The following CHRDL1 variants were observed in gnomAD, a reference collection of about 807,000 sequenced individuals.
CHRDL1 encodes chordin-like protein 1.
CHRDL1 carries 19 observed loss-of-function variants against 40.9 expected under a neutral mutation model. That is an observed-to-expected ratio of 0.46 (90% confidence interval 0.32 to 0.68). The LOEUF is 0.68. Among genes scored for constraint, CHRDL1 ranks in the 30% least tolerant of loss-of-function variants. CHRDL1 has a pLI of 0.03. For synonymous variants in CHRDL1, 136 were observed against 123.4 expected (o/e 1.10, Z -0.68); for missense variants, 329 against 352.1 (o/e 0.93, Z 0.53).
intron 4 of CHRDL1, among the ~76,000 whole-genome samples, chrX:110,747,319 G>C (rs1157442890): frequency 9.2e-6 from 1 of 108,225 alleles, no homozygotes; most frequent in African/African-American, 3.4e-5. Flanking sequence ...AGAGGACAAG[G>C]AGCACACCTT....
chrX:110,787,594 A>G (rs2090037237), intron 2 of CHRDL1, among the ~76,000 whole-genome samples: 1 of 112,216 alleles, frequency 8.9e-6, no homozygotes, highest in Non-Finnish European at 1.9e-5. Flanking sequence ...TGGCTCTCAC[A>G]ATAGAGAAGT....
chrX:110,768,663 T>C (rs1227894859), intron 2 of CHRDL1, among the ~76,000 whole-genome samples: 2 of 110,885 alleles, frequency 1.8e-5, no homozygotes, highest in African/African-American at 6.5e-5. Flanking sequence ...GACTCCAAGT[T>C]CTTTGGCTTT....
chrX:110,755,946 G>A (rs956336428), intron 4 of CHRDL1, among the ~76,000 whole-genome samples: 4 of 111,863 alleles, frequency 3.6e-5, no homozygotes, highest in Admixed American at 9.5e-5. Context: ...GAAATATTAA[G>A]TAAAGAGACT....
intron 4 of CHRDL1, among the ~76,000 whole-genome samples, chrX:110,731,109 C>T (rs1414773115): frequency 1.8e-5 from 2 of 111,492 alleles, no homozygotes; most frequent in Non-Finnish European, 3.8e-5. Context: ...CCTAAACTCT[C>T]TTCCTCTCCA....
At chrX:110,736,007 C>G (rs16986117) in intron 4 of CHRDL1, among the ~76,000 whole-genome samples, 2,667 of 112,000 alleles carry the variant, frequency 0.024, 77 homozygotes, top group African/African-American at 0.081. Flanking sequence ...GTTTGGAAAA[C>G]TGTTAGCAGC....
At chrX:110,707,785 T>C (rs2070671669) in intron 6 of CHRDL1, among the ~76,000 whole-genome samples, 1 of 111,911 alleles carries the variant, frequency 8.9e-6, no homozygotes, top group African/African-American at 3.3e-5. Context: ...AAAGCCAAAC[T>C]AGACAAATGG....
intron 2 of CHRDL1, among the ~76,000 whole-genome samples, chrX:110,772,494 C>A (rs1399463969): frequency 1.8e-5 from 2 of 112,383 alleles, no homozygotes; most frequent in Non-Finnish European, 3.8e-5. Context: ...CAAAAATTAG[C>A]CAGGCATGGC....
intron 11 of CHRDL1, among the ~76,000 whole-genome samples, chrX:110,676,916 C>T (rs1376078945): frequency 9.0e-6 from 1 of 110,870 alleles, no homozygotes; most frequent in African/African-American, 3.3e-5. Context: ...ACATGCTGTC[C>T]TTATACCCCC....
chrX:110,773,989 C>T (rs757963832), intron 2 of CHRDL1, among the ~76,000 whole-genome samples: 1 of 111,347 alleles, frequency 9.0e-6, no homozygotes, highest in South Asian at 3.8e-4. Flanking sequence ...AAGCCTCCAG[C>T]TCTAATAGTT....
chrX:110,703,882 G>A (rs909273099), intron 6 of CHRDL1, among the ~76,000 whole-genome samples: 20 of 111,676 alleles, frequency 1.8e-4, no homozygotes, highest in Non-Finnish European at 3.4e-4. Flanking sequence ...ACATACTGGA[G>A]ACAGCAAGCA....
intron 8 of CHRDL1, among the ~76,000 whole-genome samples, 187 bp from the exon 9 acceptor site, chrX:110,688,990 G>A (rs746716526): frequency 2.0e-4 from 20 of 97,837 alleles, no homozygotes; most frequent in Admixed American, 1.8e-3. Flanking sequence ...ACTCTCAGGA[G>A]CTTCTCCAGA....
At chrX:110,686,908 AAT>A (rs1491061726) in intron 9 of CHRDL1, among the ~76,000 whole-genome samples, 4 of 107,303 alleles carry the variant, frequency 3.7e-5, no homozygotes, top group African/African-American at 1.0e-4. Flanking sequence ...TAAAAAAAAA[AAT>A]AAAAAGAATG....
At chrX:110,739,745 C>A (rs2071329347) in intron 4 of CHRDL1, among the ~76,000 whole-genome samples, 1 of 112,698 alleles carries the variant, frequency 8.9e-6, no homozygotes, top group African/African-American at 3.2e-5. Flanking sequence ...ATATGTTTCA[C>A]TTTAGCCCAT....
Position 110,738,603 on chromosome X carries a change from G to A in CHRDL1, c.302-17073C>T, listed in dbSNP as rs765645026. Among the ~76,000 whole-genome samples the A allele has an allele frequency of 6.4e-5, 7 of 109,719 alleles. No individual in the cohort carries two copies. The South Asian group carries it at 2.0e-3, about 32-fold the overall frequency. ...TAAAAATACAAAAAATTAGCTCGGC[G>A]TGGTGGCGGGCGCCTGTAGTCCCAG... On this transcript the variant is annotated intron_variant, in intron 4 of 11. Coordinates refer to ENST00000372042, the MANE Select transcript of CHRDL1 (RefSeq NM_001143981.2).
chrX:110,693,816 C>T (rs989466216), intron 8 of CHRDL1, among the ~76,000 whole-genome samples: 10 of 111,557 alleles, frequency 9.0e-5, no homozygotes, highest in South Asian at 3.8e-4. Context: ...ATGTTTGGCA[C>T]TGAGTACCTT....
intron 4 of CHRDL1, among the ~76,000 whole-genome samples, chrX:110,721,754 C>G (rs1214676619): frequency 8.9e-6 from 1 of 112,148 alleles, no homozygotes; most frequent in African/African-American, 3.2e-5. Context: ...TCCATCCATC[C>G]ATCCATTCTT....
At chrX:110,707,148 C>G (rs926184753) in intron 6 of CHRDL1, among the ~76,000 whole-genome samples, 1 of 111,557 alleles carries the variant, frequency 9.0e-6, no homozygotes, top group Non-Finnish European at 1.9e-5. Flanking sequence ...TGGGAGGGAG[C>G]AAGTGTGCTG....
intron 2 of CHRDL1, among the ~76,000 whole-genome samples, chrX:110,781,062 A>C (rs1438449103): frequency 9.0e-6 from 1 of 111,015 alleles, no homozygotes; most frequent in Non-Finnish European, 1.9e-5. Context: ...ATTCAAGGAC[A>C]TGGTAAGAAA....
At chrX:110,707,560 T>C (rs2070666148) in intron 6 of CHRDL1, among the ~76,000 whole-genome samples, 1 of 112,084 alleles carries the variant, frequency 8.9e-6, no homozygotes, top group Admixed American at 9.5e-5. Flanking sequence ...CCCTATTTAA[T>C]AAATGGTGTT....
Sources: allele counts gnomAD v4.1 joint callset (sites outside exome capture counted in the v4.1 genomes callset), GRCh38; gene constraint gnomAD v4.1.1; transcripts MANE v1.5; gene names NCBI Gene and HGNC (gene_info 2026-07-23, HGNC 2026-07-21).